TTC23: variants seen among roughly 807,000 people sequenced by gnomAD.
TTC23 encodes the protein tetratricopeptide repeat protein 23.
TTC23 carries 58 observed loss-of-function variants against 55.1 expected under a neutral mutation model. That is an observed-to-expected ratio of 1.05 (90% CI 0.85 to 1.31). The LOEUF is 1.31. Among genes scored for constraint, TTC23 ranks in the 50% most tolerant of loss-of-function variants. The pLI is 0.00. For missense variants in TTC23, 516 were observed against 534.4 expected, an observed-to-expected ratio of 0.97 and a Z score of 0.34; for synonymous variants, 203 against 199.9, an observed-to-expected ratio of 1.02 and a Z score of -0.13.
intron 8 of TTC23, among the ~76,000 whole-genome samples, chr15:99,201,677 A>G (rs991846811): frequency 2.6e-5 from 4 of 152,194 alleles, no homozygotes; most frequent in African/African-American, 9.6e-5. Flanking sequence ...GGAAGACTTC[A>G]GGGACTAAGG....
chr15:99,177,970 A>G (rs1402839434), intron 9 of TTC23, among the ~76,000 whole-genome samples: 6 of 152,168 alleles, frequency 3.9e-5, no homozygotes, highest in Non-Finnish European at 7.4e-5. Flanking sequence ...ACTTGAGCTC[A>G]GGAGTTTGAG....
chr15:99,177,640 C>T (rs1263745448), intron 9 of TTC23, among the ~76,000 whole-genome samples: 4 of 152,074 alleles, frequency 2.6e-5, no homozygotes, highest in Non-Finnish European at 5.9e-5. Context: ...TGTGTAATGC[C>T]AGAAAAGCTT....
At chr15:99,163,308 G>A (rs1345833290) in intron 10 of TTC23, among the ~76,000 whole-genome samples, 1 of 152,192 alleles carries the variant, frequency 6.6e-6, no homozygotes, top group East Asian at 1.9e-4. Context: ...AAGGACCTGA[G>A]CAAGAGCAGC....
At chr15:99,169,143 G>A (rs1182658792) in intron 10 of TTC23, among the ~76,000 whole-genome samples, 2 of 152,202 alleles carry the variant, frequency 1.3e-5, no homozygotes, top group African/African-American at 4.8e-5. Context: ...TCCCTGTGGG[G>A]CACAGAGCAG....
chr15:99,234,113 T>A (rs2079127554), intron 4 of TTC23, among the ~76,000 whole-genome samples: 1 of 152,192 alleles, frequency 6.6e-6, no homozygotes, highest in Admixed American at 6.5e-5. Context: ...TGACCATGCA[T>A]TAGGCAAAGC....
chr15:99,206,440 G>A (rs1304307564), intron 8 of TTC23, among the ~76,000 whole-genome samples: 4 of 152,056 alleles, frequency 2.6e-5, no homozygotes, highest in Non-Finnish European at 5.9e-5. Flanking sequence ...ATCAGATCTT[G>A]GGCTTTTCTT....
chr15:99,239,983 C>T (rs754661944), intron 3 of TTC23, among the ~76,000 whole-genome samples: 5 of 152,214 alleles, frequency 3.3e-5, no homozygotes, highest in Admixed American at 6.5e-5. Context: ...CTGGTCTTCT[C>T]ATAATTTGGG....
chr15:99,169,062 T>C (rs2072552007), intron 10 of TTC23, among the ~76,000 whole-genome samples: 1 of 152,170 alleles, frequency 6.6e-6, no homozygotes, highest in Admixed American at 6.5e-5. Context: ...AAACAGAGTA[T>C]GGGGCATCTC....
intron 2 of TTC23, among the ~76,000 whole-genome samples, chr15:99,244,313 G>C (rs1471627265): frequency 2.0e-5 from 3 of 152,070 alleles, no homozygotes; most frequent in Non-Finnish European, 2.9e-5. Context: ...AATAAATTAA[G>C]GCATGAAGAT....
intron 9 of TTC23, among the ~76,000 whole-genome samples, chr15:99,198,443 T>TAAGA (rs1164362157): frequency 6.6e-6 from 1 of 152,218 alleles, no homozygotes; most frequent in Non-Finnish European, 1.5e-5. Flanking sequence ...CTACTTCTCT[T>TAAGA]CATCTCCACT....
intron 10 of TTC23, among the ~76,000 whole-genome samples, chr15:99,168,924 T>C (rs2072530572): frequency 6.6e-6 from 1 of 152,192 alleles, no homozygotes; most frequent in Non-Finnish European, 1.5e-5. Flanking sequence ...GGGTAGCACC[T>C]GGGTTCCATT....
In TTC23 at chr15:99,178,497, GTT is replaced by G. The variant is rs1322682030; in HGVS notation, c.760-3344_760-3343del. Among the ~76,000 whole-genome samples the G allele has an allele frequency of 3.3e-5, 5 of 152,222 alleles. No individual in the cohort carries two copies. In the East Asian group the frequency reaches 9.6e-4, roughly 29 times the overall value. On this transcript the variant is annotated intron_variant, in intron 9 of 13. Coordinates refer to ENST00000394132, the MANE Select transcript of TTC23 (RefSeq NM_001288615.3). The stretch of plus-strand genomic sequence containing the variant: ...TTTAATTCAGTCCTATTCAACTTAT[GTT>G]CATTTTTAAATGCTTTCTACATGCC...
rs1355931690 is a variant in TTC23, at chr15:99,221,771, T to A, written c.274A>T (p.Asn92Tyr). ...SHWKLAEAHV[N>Y]LAQGYLQLKG... is the part of the protein sequence containing the mutation. ...AGCTGGAGGTAGCCTTGAGCCAGAT[T>A]AACATGTGCCTCTGCTAGTTTCCAA... The change falls in exon 6 of 14, where the codon AAT (asparagine) becomes TAT (tyrosine). Residue 92 changes from asparagine (N) to tyrosine (Y), a missense_variant. Coordinates refer to ENST00000394132, the MANE Select transcript of TTC23 (RefSeq NM_001288615.3). 4 of 1,614,104 alleles carry A rather than the reference T, an allele frequency of 2.5e-6. No individual in the cohort carries two copies. The Admixed American group carries it at 5.0e-5, about 20-fold the overall frequency.
intron 9 of TTC23, among the ~76,000 whole-genome samples, chr15:99,194,745 G>C (rs1362421167): frequency 6.6e-6 from 1 of 152,104 alleles, no homozygotes; most frequent in East Asian, 1.9e-4. Context: ...AGACCAGCCT[G>C]ACCAACATGG....
At chr15:99,217,252 G>T (rs2077548166) in intron 8 of TTC23, among the ~76,000 whole-genome samples, 1 of 151,978 alleles carries the variant, frequency 6.6e-6, no homozygotes, top group Non-Finnish European at 1.5e-5. Flanking sequence ...TGCCTCCTGG[G>T]TTCAAGCGAT....
intron 9 of TTC23, among the ~76,000 whole-genome samples, chr15:99,196,769 T>C (rs184636800): frequency 1.1e-3 from 170 of 152,220 alleles, no homozygotes; most frequent in African/African-American, 3.9e-3. Context: ...CACAGAGTGG[T>C]CCCTCCAGAA....
intron 12 of TTC23, among the ~76,000 whole-genome samples, chr15:99,146,964 G>A (rs2068946842): frequency 6.6e-6 from 1 of 152,112 alleles, no homozygotes; most frequent in Non-Finnish European, 1.5e-5. Context: ...TCCCAGGCTG[G>A]AGTGCAGCGG....
At chr15:99,206,453 A>G (rs188260952) in intron 8 of TTC23, among the ~76,000 whole-genome samples, 1 of 152,300 alleles carries the variant, frequency 6.6e-6, no homozygotes, top group African/African-American at 2.4e-5. Flanking sequence ...CTTTTCTTTG[A>G]TGGAAGACAT....
chr15:99,218,450 C>T, intron 8 of TTC23, 138 bp downstream of exon 8: 1 of 1,121,604 alleles, frequency 8.9e-7, no homozygotes, highest in South Asian at 1.5e-5. Context: ...GACTGTGTTC[C>T]TCTTTTACTT....
Sources: gnomAD v4.1 joint callset for allele counts (sites outside exome capture counted in the v4.1 genomes callset) on GRCh38, gnomAD v4.1.1 for gene constraint, MANE v1.5 for transcripts, NCBI Gene and HGNC (gene_info 2026-07-23, HGNC 2026-07-21) for gene names.